The following NXPH1 variants were observed in gnomAD, a reference collection of about 807,000 sequenced individuals.
NXPH1 encodes neurexophilin 1, also known as neurexophilin-1.
Under a neutral mutation model 23.7 loss-of-function variants are expected in NXPH1, and 5 were observed. The ratio of observed to expected loss-of-function variants is 0.21; its 90% CI spans 0.11 to 0.44. The LOEUF is 0.44. NXPH1 is among the 20% of genes least tolerant of loss of function. NXPH1 has a pLI of 0.99. For synonymous variants in NXPH1, 144 were observed against 122.2 expected (o/e 1.18, Z -1.18); for missense variants, 324 against 321.6 (o/e 1.01, Z -0.06).
intron 2 of NXPH1, among the ~76,000 whole-genome samples, chr7:8,596,609 C>T (rs554408924): frequency 1.1e-3 from 166 of 152,104 alleles, no homozygotes; most frequent in Non-Finnish European, 2.0e-3. Context: ...ACTCATTAAA[C>T]ATTTACTATG....
chr7:8,472,501 A>T (rs1032117373), intron 2 of NXPH1, among the ~76,000 whole-genome samples: 1 of 152,118 alleles, frequency 6.6e-6, no homozygotes, highest in Non-Finnish European at 1.5e-5. Flanking sequence ...ACCCTGTGTG[A>T]GGCTATGGCT....
At chr7:8,567,820 G>C (rs1473824078) in intron 2 of NXPH1, among the ~76,000 whole-genome samples, 3 of 151,756 alleles carry the variant, frequency 2.0e-5, no homozygotes, top group African/African-American at 7.3e-5. Context: ...TTTCAGTGTT[G>C]CTCAAGGCAT....
chr7:8,518,558 C>G (rs1279302890), intron 2 of NXPH1, among the ~76,000 whole-genome samples: 2 of 152,114 alleles, frequency 1.3e-5, no homozygotes, highest in Non-Finnish European at 1.5e-5. Flanking sequence ...GTGATGCAAT[C>G]TCACTGTAAC....
chr7:8,720,272 T>A (rs1048339023), intron 2 of NXPH1, among the ~76,000 whole-genome samples: 1 of 152,056 alleles, frequency 6.6e-6, no homozygotes, highest in African/African-American at 2.4e-5. Flanking sequence ...AATCTTGTGG[T>A]TTTGGGTCAG....
intron 2 of NXPH1, among the ~76,000 whole-genome samples, chr7:8,620,996 T>C (rs140341472): frequency 1.0e-3 from 153 of 152,352 alleles, no homozygotes; most frequent in African/African-American, 3.3e-3. Flanking sequence ...CAGTTGCCTA[T>C]ATTAATTCAT....
intron 2 of NXPH1, among the ~76,000 whole-genome samples, chr7:8,514,173 A>G (rs769230119): frequency 6.6e-6 from 1 of 152,148 alleles, no homozygotes; most frequent in Non-Finnish European, 1.5e-5. Context: ...TAGAACTTCA[A>G]CACAAGAATT....
chr7:8,493,433 T>C (rs1416943624), intron 2 of NXPH1, among the ~76,000 whole-genome samples: 1 of 152,046 alleles, frequency 6.6e-6, no homozygotes, highest in African/African-American at 2.4e-5. Context: ...TGACTTTGCT[T>C]ACTGCTGTGC....
chr7:8,726,796 A>G (rs1780062664), intron 2 of NXPH1, among the ~76,000 whole-genome samples: 4 of 150,662 alleles, frequency 2.7e-5, no homozygotes, highest in South Asian at 4.2e-4. Context: ...CAATAAACAT[A>G]CGTGTGCATG....
chr7:8,565,776 A>G (rs1326027360), intron 2 of NXPH1, among the ~76,000 whole-genome samples: 1 of 151,758 alleles, frequency 6.6e-6, no homozygotes, highest in African/African-American at 2.4e-5. Flanking sequence ...CGTTACTTTT[A>G]ATGAGAGTTT....
At chr7:8,487,576 T>A (rs1270769499) in intron 2 of NXPH1, among the ~76,000 whole-genome samples, 1 of 152,152 alleles carries the variant, frequency 6.6e-6, no homozygotes, top group East Asian at 1.9e-4. Flanking sequence ...CTCTTGTCCT[T>A]CCATTTTATC....
At chr7:8,614,603 T>C (rs1318926404) in intron 2 of NXPH1, among the ~76,000 whole-genome samples, 2 of 151,996 alleles carry the variant, frequency 1.3e-5, no homozygotes, top group African/African-American at 2.4e-5. Context: ...CATATCCATA[T>C]ACATATATGT....
intron 2 of NXPH1, among the ~76,000 whole-genome samples, chr7:8,441,789 C>T (rs561584682): frequency 3.0e-4 from 46 of 152,334 alleles, no homozygotes; most frequent in South Asian, 4.1e-4. Flanking sequence ...TTTGCCCTGC[C>T]CTCGCGGGTT....
At chr7:8,615,055 C>G (rs1465391309) in intron 2 of NXPH1, among the ~76,000 whole-genome samples, 1 of 151,958 alleles carries the variant, frequency 6.6e-6, no homozygotes, top group Non-Finnish European at 1.5e-5. Context: ...TCTCTTCTTT[C>G]TTTTTACTTG....
chr7:8,696,597 T>C (rs1040956613), intron 2 of NXPH1, among the ~76,000 whole-genome samples: 1 of 152,172 alleles, frequency 6.6e-6, no homozygotes, highest in African/African-American at 2.4e-5. Flanking sequence ...TATGTTGCAG[T>C]AATTTCCAGG....
chr7:8,717,762 A>G (rs143472546), intron 2 of NXPH1, among the ~76,000 whole-genome samples: 2 of 152,236 alleles, frequency 1.3e-5, no homozygotes, highest in Non-Finnish European at 2.9e-5. Flanking sequence ...AATAATGACA[A>G]ACTTCTTGAT....
intron 2 of NXPH1, among the ~76,000 whole-genome samples, chr7:8,459,534 G>A (rs1454515721): frequency 6.6e-6 from 1 of 152,164 alleles, no homozygotes; most frequent in Non-Finnish European, 1.5e-5. Context: ...GGTTAAAAAT[G>A]TGTAATTGTA....
At chr7:8,726,899 A>T (rs1780064759) in intron 2 of NXPH1, among the ~76,000 whole-genome samples, 1 of 151,976 alleles carries the variant, frequency 6.6e-6, no homozygotes, top group Non-Finnish European at 1.5e-5. Context: ...TAGATCCCTG[A>T]GGAATCGCCA....
At chr7:8,668,012 A>G (rs1820802664) in intron 2 of NXPH1, among the ~76,000 whole-genome samples, 2 of 150,112 alleles carry the variant, frequency 1.3e-5, no homozygotes, top group South Asian at 4.2e-4. Context: ...GTTGTTGTTT[A>G]GTTCATTATA....
chr7:8,649,080 A>G (rs1276051365), intron 2 of NXPH1, among the ~76,000 whole-genome samples: 3 of 151,262 alleles, frequency 2.0e-5, no homozygotes, highest in Non-Finnish European at 4.4e-5. Flanking sequence ...GTACTTATTC[A>G]TCTATTCCAT....
Sources: allele counts gnomAD v4.1 joint callset (sites outside exome capture counted in the v4.1 genomes callset), GRCh38; gene constraint gnomAD v4.1.1; transcripts MANE v1.5; gene names NCBI Gene and HGNC (gene_info 2026-07-23, HGNC 2026-07-21).